The following NFATC1 variants were observed in gnomAD, a reference collection of about 807,000 sequenced individuals.
NFATC1 encodes the protein nuclear factor of activated T-cells, cytoplasmic 1.
NFATC1 carries 22 observed loss-of-function variants against 76.0 expected under a neutral mutation model. That is an observed-to-expected ratio of 0.29 (90% CI 0.21 to 0.41). The LOEUF (loss-of-function observed/expected upper bound fraction) is 0.41. Among genes scored for constraint, NFATC1 ranks in the 10% least tolerant of loss-of-function variants. The pLI, the probability that NFATC1 is intolerant of heterozygous loss-of-function variation, is 1.00. For synonymous variants in NFATC1, 704 were observed against 613.1 expected (o/e 1.15, Z -2.19); for missense variants, 1,357 against 1,337.7 (o/e 1.01, Z -0.23).
intron 1 of NFATC1, among the ~76,000 whole-genome samples, chr18:79,408,295 A>G (rs969793665): frequency 8.5e-5 from 13 of 152,240 alleles, no homozygotes; most frequent in Admixed American, 6.5e-4. Context: ...AGATGAATAT[A>G]GAATTTCCAT....
At chr18:79,403,387 C>T (rs2085330746) in intron 1 of NFATC1, among the ~76,000 whole-genome samples, 1 of 152,258 alleles carries the variant, frequency 6.6e-6, no homozygotes. Context: ...TTTGGGCTTC[C>T]AGGGTCTGGC....
At chr18:79,495,597 A>G (rs533035020) in intron 9 of NFATC1, among the ~76,000 whole-genome samples, 1 of 152,366 alleles carries the variant, frequency 6.6e-6, no homozygotes, top group Admixed American at 6.5e-5. Context: ...GAGCTTGGGC[A>G]ATGAGCACTG....
intron 9 of NFATC1, among the ~76,000 whole-genome samples, chr18:79,501,933 C>T (rs1333761833): frequency 1.3e-5 from 2 of 152,136 alleles, no homozygotes; most frequent in African/African-American, 4.8e-5. Context: ...GCAGCTTTCT[C>T]CAGATTGATC....
At chr18:79,424,983 C>CTCTCTGTGTCTA (rs1211928263) in intron 2 of NFATC1, among the ~76,000 whole-genome samples, 1 of 150,736 alleles carries the variant, frequency 6.6e-6, no homozygotes, top group Non-Finnish European at 1.5e-5. Context: ...GTCTCTCTGT[C>CTCTCTGTGTCTA]TCTCTGTGTC....
chr18:79,488,266 G>A (rs894412821), intron 9 of NFATC1, among the ~76,000 whole-genome samples: 1 of 128,012 alleles, frequency 7.8e-6, no homozygotes, highest in Non-Finnish European at 1.5e-5. Flanking sequence ...GTGTGTTTGC[G>A]GTAGTGTGTC....
At chr18:79,445,598 A>G (rs2087175095) in intron 3 of NFATC1, among the ~76,000 whole-genome samples, 2 of 152,218 alleles carry the variant, frequency 1.3e-5, no homozygotes, top group Non-Finnish European at 2.9e-5. Flanking sequence ...CATGGGGGGA[A>G]TCGGGGTTGA....
intron 8 of NFATC1, chr18:79,468,959 ACGC>A (rs1569000016): frequency 6.8e-6 from 1 of 147,274 alleles, no homozygotes; most frequent in African/African-American, 2.6e-5. Flanking sequence ...GAAGGGCCTC[ACGC>A]TCTGGGACCC....
chr18:79,486,264 A>G lies in NFATC1; in HGVS notation c.2109A>G (p.Thr703=). Residue 703 remains threonine (T), a synonymous_variant, in exon 9 of 10, where the codon ACA becomes ACG. Transcript: ENST00000427363. The stretch of plus-strand genomic sequence containing the variant: ...TTCTCACAGTTCCAATTATAAAAAC[A>G]GAACCCACTGATGATTATGAGCCTG... ...YLPANVPIIK[T]EPTDDYEPAP... 1 of 1,605,864 alleles carries G rather than the reference A, an allele frequency of 6.2e-7. No homozygotes were observed. Among genetic ancestry groups the G allele is most frequent in the East Asian group, 2.2e-5 (1 of 44,690 alleles).
intron 3 of NFATC1, among the ~76,000 whole-genome samples, chr18:79,441,740 C>T (rs868652113): frequency 6.6e-6 from 1 of 152,060 alleles, no homozygotes; most frequent in Non-Finnish European, 1.5e-5. Flanking sequence ...CCTTCGTGGC[C>T]GTGGGCTGTG....
At chr18:79,488,013 G>T (rs1358557493) in intron 9 of NFATC1, among the ~76,000 whole-genome samples, 2 of 152,172 alleles carry the variant, frequency 1.3e-5, no homozygotes, top group African/African-American at 4.8e-5. Context: ...TCCCTGCTCA[G>T]TGGCCTGGGG....
intron 2 of NFATC1, among the ~76,000 whole-genome samples, chr18:79,427,536 T>TA (rs1382548838): frequency 1.7e-4 from 1 of 5,954 alleles, no homozygotes. Flanking sequence ...GTGCAGTGGG[T>TA]GGGGGGAGCT....
At position 79,486,110 on chromosome 18, in the gene NFATC1, G is replaced by A. The variant is rs1027756176; in HGVS notation, c.2093-138G>A. The A allele has an allele frequency of 8.1e-5, 59 of 731,484 alleles. 2 individuals are homozygous for A. The highest frequency in any genetic ancestry group is 5.3e-4 in the Admixed American group (22 of 41,134). The allele number at this position is 731,484 out of a possible 1,614,324, so 45.3% of individuals were successfully genotyped here. A position where few individuals can be genotyped will look rare whatever the true frequency, so the allele number is the denominator to read the frequency against. Reference sequence around the variant, plus strand: ...GACTCACGCCTTTTTTTTTTAATGGGGTGGGAGAACCAGGCAGGAGACAGA... The same window carrying A: ...GACTCACGCCTTTTTTTTTTAATGGAGTGGGAGAACCAGGCAGGAGACAGA... On this transcript the variant is annotated intron_variant, in intron 8 of 9. Coordinates refer to ENST00000427363, the MANE Select transcript of NFATC1 (RefSeq NM_001278669.2).
intron 1 of NFATC1, among the ~76,000 whole-genome samples, chr18:79,397,138 C>A (rs12604473): frequency 6.6e-6 from 1 of 152,124 alleles, no homozygotes; most frequent in Admixed American, 6.5e-5. Flanking sequence ...CACCTTAGCC[C>A]GTCCCCGGCA....
At chr18:79,464,235 G>A (rs1389142418) in intron 7 of NFATC1, among the ~76,000 whole-genome samples, 2 of 152,016 alleles carry the variant, frequency 1.3e-5, no homozygotes, top group African/African-American at 2.4e-5. Flanking sequence ...GACTACAGGC[G>A]CCGGCCACTA....
At chr18:79,433,348 G>A (rs796507530) in intron 2 of NFATC1, among the ~76,000 whole-genome samples, 44 of 152,316 alleles carry the variant, frequency 2.9e-4, no homozygotes, top group African/African-American at 9.1e-4. Context: ...GAAGAGAAGC[G>A]TGTTAAGGTT....
chr18:79,469,838 C>T lies in NFATC1; in HGVS notation c.2092+2256C>T, dbSNP rs116404868. ...GCCCCACCAGCCCCCAGGGGCTCCC[C>T]GGCTCCCTGTCACCCCACCTGGTCC... is the stretch of plus-strand genomic sequence containing the variant. On this transcript the variant is annotated intron_variant, in intron 8 of 9. Transcript: ENST00000427363. The T allele has an allele frequency of 8.8e-3, 8,688 of 985,608 alleles. 552 individuals carry two copies. In the African/African-American group the frequency reaches 0.13, roughly 15 times the overall value. The allele number at this position is 985,608 out of a possible 1,614,324, so 61.1% of individuals were successfully genotyped here. A position where few individuals can be genotyped will look rare whatever the true frequency, so the allele number is the denominator to read the frequency against.
intron 1 of NFATC1, 115 bp downstream of exon 1, chr18:79,396,466 C>G (rs1427733816): frequency 1.7e-6 from 1 of 586,124 alleles, no homozygotes; most frequent in Non-Finnish European, 2.3e-6. Context: ...AGAACGAGGT[C>G]GGCCGGGTCT....
At chr18:79,400,825 C>CCCCCCGGCCCCT (rs2085190606) in intron 1 of NFATC1, among the ~76,000 whole-genome samples, 2 of 23,616 alleles carry the variant, frequency 8.5e-5, no homozygotes, top group African/African-American at 1.4e-4. Flanking sequence ...ACCTCCCCGA[C>CCCCCCGGCCCCT]CCCCCGACCC....
chr18:79,483,239 TGTCACTCCAGCGTGACCTGGTCCTGGGGC>T (rs2089364026), intron 8 of NFATC1, among the ~76,000 whole-genome samples: 4 of 99,972 alleles, frequency 4.0e-5, no homozygotes, highest in Admixed American at 1.0e-4. Flanking sequence ...GGTCCTGGGG[TGTCACTCCAGCGTGACCTGGTCCTGGGGC>T]GTCACTCCAG....
Sources: gnomAD v4.1 joint callset for allele counts (sites outside exome capture counted in the v4.1 genomes callset) on GRCh38, gnomAD v4.1.1 for gene constraint, MANE v1.5 for transcripts, NCBI Gene and HGNC (gene_info 2026-07-23, HGNC 2026-07-21) for gene names.